ITGAM: variants seen among roughly 807,000 people sequenced by gnomAD.
The protein encoded by ITGAM is integrin subunit alpha M.
ITGAM carries 79 observed loss-of-function variants against 137.5 expected under a neutral mutation model. The observed-to-expected ratio is 0.57, with a 90% CI of 0.48 to 0.69. The LOEUF is 0.69. ITGAM is among the 30% of genes least tolerant of loss of function. The pLI is 0.00. For missense variants in ITGAM, 1,343 were observed against 1,483.5 expected (o/e 0.91, Z 1.56); for synonymous variants, 583 against 592.3 (o/e 0.98, Z 0.23).
At chr16:31,302,673 G>A (rs1364915628) in intron 14 of ITGAM, among the ~76,000 whole-genome samples, 2 of 150,892 alleles carry the variant, frequency 1.3e-5, no homozygotes, top group African/African-American at 2.4e-5. Flanking sequence ...TAGCTGAGAT[G>A]ACAGGCGCCC....
chr16:31,294,340 G>A (rs185179919), intron 12 of ITGAM, among the ~76,000 whole-genome samples: 5 of 152,022 alleles, frequency 3.3e-5, no homozygotes, highest in Admixed American at 3.3e-4. Flanking sequence ...GAATGCTTTT[G>A]CCCATCAAGT....
rs1202314302 is a variant in ITGAM at position 31,297,560 on chromosome 16, G to T, written c.1403G>T (p.Ser468Ile). ...TCCCTCTGCTCCGTGGACGTGGACA[G>T]CAACGGCAGCACCGACCTGGTCCTC... is the stretch of plus-strand genomic sequence containing the variant. Reference protein sequence around the residue: ...GASLCSVDVDSNGSTDLVLIG... With the variant: ...GASLCSVDVDINGSTDLVLIG... The change falls in exon 13 of 30, where the codon AGC becomes ATC. Residue 468 changes from serine (S) to isoleucine (I), a missense_variant. Transcript: ENST00000544665. 5.0e-6 allele frequency: 8 copies of T among 1,612,216 alleles called. No homozygotes were observed. The highest frequency in any genetic ancestry group is 5.1e-6 in the Non-Finnish European group (6 of 1,179,856).
chr16:31,269,469 A>G (rs1179063216), intron 5 of ITGAM, among the ~76,000 whole-genome samples: 1 of 152,122 alleles, frequency 6.6e-6, no homozygotes, highest in Non-Finnish European at 1.5e-5. Context: ...GTGTCTCCCA[A>G]AGTTAGCTCA....
Position 31,297,569 on chromosome 16 carries a change from GCA to G in ITGAM, c.1414_1415del (p.Thr472ArgfsTer34). 1 of 1,612,242 alleles carries G rather than the reference GCA, an allele frequency of 6.2e-7. No homozygotes were observed. The highest frequency in any genetic ancestry group is 1.1e-5 in the South Asian group (1 of 90,992). ...TCCGTGGACGTGGACAGCAACGGCA[GCA>G]CCGACCTGGTCCTCATCGGGGCCCC... On this transcript the variant is annotated frameshift_variant, in exon 13 of 30. Coordinates refer to ENST00000544665, the MANE Select transcript of ITGAM (RefSeq NM_000632.4). LOFTEE classifies it high-confidence loss of function.
chr16:31,289,197 C>G (rs1169225363), intron 12 of ITGAM, among the ~76,000 whole-genome samples: 1 of 152,130 alleles, frequency 6.6e-6, no homozygotes, highest in Non-Finnish European at 1.5e-5. Context: ...GACAGTGTGG[C>G]GATTCCTCAA....
At chr16:31,328,342 C>G in intron 23 of ITGAM, 112 bp downstream of exon 23, 1 of 840,444 alleles carries the variant, frequency 1.2e-6, no homozygotes, top group South Asian at 1.4e-5. Context: ...GTCTGAGGAT[C>G]TCTGTGCATG....
At position 31,329,313 on chromosome 16, in the gene ITGAM, T is replaced by A; in HGVS notation, c.2868+10T>A. On this transcript the variant is annotated intron_variant, in intron 24 of 29. Transcript: ENST00000544665. ...GCAGCATCAATATCAGGTGGGCAGC[T>A]GGGACGTCTGGGTCCTGAGAAGGAG... 1 of 1,583,614 alleles carries A rather than the reference T, an allele frequency of 6.3e-7. No homozygotes were observed. The highest frequency in any genetic ancestry group is 1.7e-5 in the Admixed American group (1 of 59,690).
At position 31,330,124 on chromosome 16, in the gene ITGAM, A is replaced by T; in HGVS notation, c.3020A>T (p.His1007Leu). Residue 1007 changes from histidine (H) to leucine (L), a missense_variant, in exon 26 of 30, where the codon CAC (histidine) becomes CTC (leucine). His to Leu is a moderately conservative substitution (Grantham distance 99). Coordinates refer to ENST00000544665, the MANE Select transcript of ITGAM (RefSeq NM_000632.4). ...CACACCAAGGAGCGCTTGCCCTCTC[A>T]CTCCGACTTTCTGGCTGAGCTTCGG... is the stretch of plus-strand genomic sequence containing the variant. ...TCHTKERLPS[H>L]SDFLAELRKA... is the part of the protein sequence containing the mutation. The T allele has an allele frequency of 6.2e-7, 1 of 1,613,344 alleles. No individual in the cohort carries two copies. Among genetic ancestry groups the T allele is most frequent in the South Asian group, 1.1e-5 (1 of 90,984 alleles).
chr16:31,289,680 C>A (rs2080066076), intron 12 of ITGAM, among the ~76,000 whole-genome samples: 1 of 152,168 alleles, frequency 6.6e-6, no homozygotes, highest in Non-Finnish European at 1.5e-5. Flanking sequence ...GGATGCAGCA[C>A]ACCAACATGA....
At chr16:31,269,860 C>T (rs930793023) in intron 5 of ITGAM, among the ~76,000 whole-genome samples, 1 of 152,176 alleles carries the variant, frequency 6.6e-6, no homozygotes, top group Non-Finnish European at 1.5e-5. Flanking sequence ...GACCTCACTG[C>T]CCTCCTCCCT....
At chr16:31,275,512 C>T (rs1490776175) in intron 8 of ITGAM, 37 bp from the exon 9 acceptor site, 3 of 1,606,996 alleles carry the variant, frequency 1.9e-6, no homozygotes, top group African/African-American at 2.7e-5. Flanking sequence ...TATTGCTAGC[C>T]TCACACCATG....
Position 31,325,243 on chromosome 16 carries a change from C to T in ITGAM, c.2364-20C>T. 6.2e-7 allele frequency: 1 copy of T among 1,602,702 alleles called. No individual in the cohort carries two copies. Among genetic ancestry groups the T allele is most frequent in the Non-Finnish European group, 8.5e-7 (1 of 1,174,588 alleles). On this transcript the variant is annotated intron_variant, in intron 19 of 29. Coordinates refer to ENST00000544665, the MANE Select transcript of ITGAM (RefSeq NM_000632.4). ...GAAGCCCAGCGCCCCATCCCCCGGC[C>T]TGTCTTCTTCTTCCCACAGCCTGGA... is the stretch of plus-strand genomic sequence containing the variant.
intron 14 of ITGAM, among the ~76,000 whole-genome samples, chr16:31,302,857 T>C (rs1383584339): frequency 6.6e-6 from 1 of 151,868 alleles, no homozygotes; most frequent in Admixed American, 6.6e-5. Context: ...TTCTTTCTTC[T>C]TTCTTTCTCT....
chr16:31,325,429 A>G lies in ITGAM; in HGVS notation c.2505+25A>G, dbSNP rs1420792813. The G allele has an allele frequency of 6.2e-6, 10 of 1,612,560 alleles. No homozygotes were observed. The Middle Eastern group carries it at 4.9e-4, about 80-fold the overall frequency. On this transcript the variant is annotated intron_variant, in intron 20 of 29. Coordinates refer to ENST00000544665, the MANE Select transcript of ITGAM (RefSeq NM_000632.4). ...GGTAGCCACATCCTTCTCAGGCTCT[A>G]TCTGACCTTTGCTTCCCCATCCTCA... is the stretch of plus-strand genomic sequence containing the variant.
At chr16:31,325,126 T>G in intron 19 of ITGAM, 95 bp downstream of exon 19, 1 of 1,469,540 alleles carries the variant, frequency 6.8e-7, no homozygotes, top group Non-Finnish European at 9.2e-7. Flanking sequence ...CGGGTGTTCC[T>G]GGGCTATAAG....
chr16:31,302,932 CTTTCT>C (rs1424544953), intron 14 of ITGAM, among the ~76,000 whole-genome samples: 4 of 52,786 alleles, frequency 7.6e-5, no homozygotes, highest in Non-Finnish European at 1.6e-4. Flanking sequence ...TTCTTTCTTT[CTTTCT>C]TTCTTTCTTT....
At position 31,261,756 on chromosome 16, in the gene ITGAM, A is replaced by G. The variant is rs1365988292; in HGVS notation, c.93A>G (p.Ala31=). ...ACGCAATGACCTTCCAAGAGAACGC[A>G]AGGGGCTTCGGGCAGAGCGTGGTCC... ...TENAMTFQEN[A]RGFGQSVVQL... Residue 31 remains alanine, a synonymous_variant, in exon 2 of 30, where the codon GCA becomes GCG. Transcript: ENST00000544665. The G allele has an allele frequency of 6.2e-7, 1 of 1,613,432 alleles. No homozygotes were observed. Among genetic ancestry groups the G allele is most frequent in the East Asian group, 2.2e-5 (1 of 44,854 alleles).
intron 13 of ITGAM, 22 bp from the exon 14 acceptor site, chr16:31,297,722 CT>C: frequency 6.3e-7 from 1 of 1,591,176 alleles, no homozygotes; most frequent in South Asian, 1.1e-5. Context: ...GGGTTGGGGC[CT>C]GATACTGTTT....
At chr16:31,307,287 T>C (rs1180843642) in intron 14 of ITGAM, among the ~76,000 whole-genome samples, 3 of 152,240 alleles carry the variant, frequency 2.0e-5, no homozygotes, top group Admixed American at 6.5e-5. Flanking sequence ...GAGCATGGAA[T>C]GTTCTTCCAT....
Sources: allele counts gnomAD v4.1 joint callset (sites outside exome capture counted in the v4.1 genomes callset), GRCh38; gene constraint gnomAD v4.1.1; transcripts MANE v1.5; gene names NCBI Gene and HGNC (gene_info 2026-07-23, HGNC 2026-07-21).